Variants in GALNT13 observed in about 807,000 individuals in gnomAD.
GALNT13 encodes the protein UDP-GalNAc:polypeptide N-acetylgalactosaminyltransferase 13.
In GALNT13, 28 loss-of-function variants were observed where a neutral mutation model predicts 64.2. The ratio of observed to expected loss-of-function variants is 0.44; its 90% confidence interval spans 0.32 to 0.60. The LOEUF is 0.60. Ranked by LOEUF, GALNT13 falls within the 20% of genes least tolerant of loss-of-function variation. The pLI is 0.05. For missense variants in GALNT13, 577 were observed against 669.8 expected, an observed-to-expected ratio of 0.86 and a Z score of 1.53; for synonymous variants, 214 against 224.6, an observed-to-expected ratio of 0.95 and a Z score of 0.42.
chr2:153,082,858 T>C, the GALNT13 span, among the ~76,000 whole-genome samples: 1 of 150,444 alleles, frequency 6.6e-6, no homozygotes, highest in African/African-American at 2.4e-5. Flanking sequence ...AGACAGAGTA[T>C]CACCCTGTCA....
chr2:153,646,370 G>A, the GALNT13 span, among the ~76,000 whole-genome samples: 874 of 151,676 alleles, frequency 5.8e-3, 13 homozygotes, highest in African/African-American at 0.02. Context: ...CTCCAATTAT[G>A]AAGGAAAAAG....
At chr2:153,793,105 G>A in the GALNT13 span, among the ~76,000 whole-genome samples, 1 of 151,320 alleles carries the variant, frequency 6.6e-6, no homozygotes, top group South Asian at 2.1e-4. Flanking sequence ...CAGGGTAGCT[G>A]AGACTATAGG....
chr2:154,385,607 A>C (rs182915611), intron 9 of GALNT13, among the ~76,000 whole-genome samples: 2 of 152,146 alleles, frequency 1.3e-5, no homozygotes, highest in Non-Finnish European at 2.9e-5. Flanking sequence ...CAATAATAAT[A>C]GATAAAAATG....
At chr2:153,547,021 T>C in the GALNT13 span, among the ~76,000 whole-genome samples, 1 of 152,202 alleles carries the variant, frequency 6.6e-6, no homozygotes. Flanking sequence ...GGTTGCCTAA[T>C]GGAATGGAGG....
intron 9 of GALNT13, among the ~76,000 whole-genome samples, chr2:154,372,646 T>A (rs1465316658): frequency 1.3e-5 from 2 of 152,074 alleles, no homozygotes; most frequent in Admixed American, 1.3e-4. Flanking sequence ...AGGTAAAATA[T>A]AAACACACAA....
the GALNT13 span, among the ~76,000 whole-genome samples, chr2:153,698,519 G>A: frequency 1.3e-5 from 2 of 152,152 alleles, no homozygotes; most frequent in African/African-American, 2.4e-5. Context: ...ATGGTAAAGG[G>A]ATCAATTCAA....
At chr2:153,911,565 T>G (rs1688943328) in intron 2 of GALNT13, among the ~76,000 whole-genome samples, 1 of 152,202 alleles carries the variant, frequency 6.6e-6, no homozygotes, top group African/African-American at 2.4e-5. Flanking sequence ...CTTTCCATAT[T>G]TAGTGCTTTT....
the GALNT13 span, among the ~76,000 whole-genome samples, chr2:153,404,912 G>A: frequency 1.3e-3 from 202 of 152,280 alleles, 1 homozygote; most frequent in South Asian, 9.5e-3. Flanking sequence ...TATATGTGAT[G>A]CTCATTTTAG....
chr2:153,471,262 C>A, the GALNT13 span, among the ~76,000 whole-genome samples: 1 of 152,144 alleles, frequency 6.6e-6, no homozygotes, highest in African/African-American at 2.4e-5. Context: ...TTGCACCAAA[C>A]TTCCAAGGTC....
At chr2:154,167,864 A>G (rs890517838) in intron 4 of GALNT13, among the ~76,000 whole-genome samples, 67 of 152,304 alleles carry the variant, frequency 4.4e-4, no homozygotes, top group African/African-American at 1.5e-3. Flanking sequence ...GGCATGTCAG[A>G]ACCTGAGCAA....
chr2:154,169,216 A>G (rs568632545), intron 4 of GALNT13, among the ~76,000 whole-genome samples: 7 of 152,212 alleles, frequency 4.6e-5, no homozygotes, highest in Non-Finnish European at 1.0e-4. Flanking sequence ...AAATCTCAAC[A>G]TGAGTTTTGG....
intron 11 of GALNT13, among the ~76,000 whole-genome samples, chr2:154,423,323 TG>T (rs1395603771): frequency 2.6e-5 from 4 of 152,144 alleles, no homozygotes; most frequent in African/African-American, 9.7e-5. Flanking sequence ...GATGGACATT[TG>T]GGTTGGTTCC....
chr2:154,380,284 A>G (rs951228270), intron 9 of GALNT13, among the ~76,000 whole-genome samples: 35 of 152,144 alleles, frequency 2.3e-4, no homozygotes, highest in African/African-American at 8.2e-4. Flanking sequence ...GATGCACCTG[A>G]AATTTATACT....
chr2:153,946,360 G>A (rs1691741524), intron 3 of GALNT13, among the ~76,000 whole-genome samples: 1 of 151,960 alleles, frequency 6.6e-6, no homozygotes, highest in South Asian at 2.1e-4. Flanking sequence ...ACAATGCAAG[G>A]CAAAAATAAC....
chr2:153,940,605 C>A (rs1041743078), intron 2 of GALNT13, among the ~76,000 whole-genome samples: 1 of 152,054 alleles, frequency 6.6e-6, no homozygotes, highest in African/African-American at 2.4e-5. Context: ...ATCAGTTAGA[C>A]CTGAAGCTAA....
At chr2:154,292,480 G>C (rs1057303424) in intron 8 of GALNT13, among the ~76,000 whole-genome samples, 1 of 152,128 alleles carries the variant, frequency 6.6e-6, no homozygotes, top group African/African-American at 2.4e-5. Context: ...ATGTGAATTA[G>C]TTTGCCTTAA....
the GALNT13 span, among the ~76,000 whole-genome samples, chr2:153,623,604 C>T: frequency 6.6e-6 from 1 of 151,764 alleles, no homozygotes; most frequent in Non-Finnish European, 1.5e-5. Context: ...ATAAAAATGG[C>T]ATAACTATAC....
At chr2:153,104,214 A>G in the GALNT13 span, among the ~76,000 whole-genome samples, 1 of 152,188 alleles carries the variant, frequency 6.6e-6, no homozygotes, top group African/African-American at 2.4e-5. Flanking sequence ...TTCTAAAAAT[A>G]TAATTGTTTT....
chr2:153,757,971 A>C, the GALNT13 span, among the ~76,000 whole-genome samples: 1 of 152,228 alleles, frequency 6.6e-6, no homozygotes, highest in African/African-American at 2.4e-5. Context: ...TTTACCCTAC[A>C]GAAGTTTTAA....
Sources: allele counts gnomAD v4.1 joint callset (sites outside exome capture counted in the v4.1 genomes callset), GRCh38; gene constraint gnomAD v4.1.1; transcripts MANE v1.5; gene names NCBI Gene and HGNC (gene_info 2026-07-23, HGNC 2026-07-21).